Variants in SLC4A4 observed in about 807,000 individuals in gnomAD.
SLC4A4 encodes the protein solute carrier family 4 member 4.
Under a neutral mutation model 111.5 loss-of-function variants are expected in SLC4A4, and 27 were observed. The ratio of observed to expected loss-of-function variants is 0.24; its 90% CI spans 0.18 to 0.33. The LOEUF is 0.33. SLC4A4 is among the 10% of genes least tolerant of loss of function. SLC4A4 has a pLI of 1.00. For synonymous variants in SLC4A4, 443 were observed against 463.4 expected, an observed-to-expected ratio of 0.96 and a Z score of 0.57; for missense variants, 909 against 1,315.5, an observed-to-expected ratio of 0.69 and a Z score of 4.78.
chr4:71,399,108 A>T lies in SLC4A4; in HGVS notation c.807+1455A>T, dbSNP rs540978257. ...TAATCTAGAGCAATTTAAAGTGTAT[A>T]TGAGGATGTGTGTAGGTTATATACA... On this transcript the variant is annotated intron_variant, in intron 7 of 25. Coordinates refer to ENST00000264485, the MANE Select transcript of SLC4A4 (RefSeq NM_001098484.3). Among the ~76,000 whole-genome samples the T allele has an allele frequency of 5.3e-5, 8 of 152,302 alleles. No individual in the cohort carries two copies. In the South Asian group the frequency reaches 1.7e-3, roughly 32 times the overall value.
At chr4:71,446,863 C>T (rs982161554) in intron 8 of SLC4A4, among the ~76,000 whole-genome samples, 3 of 152,186 alleles carry the variant, frequency 2.0e-5, no homozygotes, top group Non-Finnish European at 4.4e-5. Context: ...TCCACAGTGC[C>T]AACATGCCAC....
At chr4:71,196,361 G>T (rs536934452) in intron 1 of SLC4A4, among the ~76,000 whole-genome samples, 2 of 152,134 alleles carry the variant, frequency 1.3e-5, no homozygotes, top group African/African-American at 4.8e-5. Context: ...AAGGGAGAAG[G>T]CGGATAGGAA....
intron 1 of SLC4A4, among the ~76,000 whole-genome samples, chr4:71,223,414 C>T (rs904416967): frequency 3.3e-5 from 5 of 152,042 alleles, no homozygotes; most frequent in Non-Finnish European, 5.9e-5. Flanking sequence ...CTGCCTGCCT[C>T]GGCCTCCCAA....
At chr4:71,398,908 C>G (rs1168943671) in intron 7 of SLC4A4, among the ~76,000 whole-genome samples, 2 of 152,154 alleles carry the variant, frequency 1.3e-5, no homozygotes, top group African/African-American at 4.8e-5. Context: ...GCTAATTGTA[C>G]AGTTAGTCCT....
At chr4:71,206,062 A>G (rs1717746518) in intron 1 of SLC4A4, among the ~76,000 whole-genome samples, 1 of 152,198 alleles carries the variant, frequency 6.6e-6, no homozygotes, top group Admixed American at 6.5e-5. Context: ...AAGTAGGATA[A>G]TTCTTTGCCT....
At chr4:71,177,565 A>T (rs1356205131) in intron 2 of SLC4A4, among the ~76,000 whole-genome samples, 3 of 152,212 alleles carry the variant, frequency 2.0e-5, no homozygotes, top group East Asian at 1.9e-4. Context: ...ACCAACAGAG[A>T]TCAAAAGAGA....
upstream of SLC4A4, among the ~76,000 whole-genome samples, chr4:71,184,380 G>T (rs904343606): frequency 6.6e-6 from 1 of 152,086 alleles, no homozygotes; most frequent in African/African-American, 2.4e-5. Flanking sequence ...GTCATCACCT[G>T]CTGCCACTAG....
At chr4:71,081,505 A>G (rs527434939) in intron 1 of SLC4A4, among the ~76,000 whole-genome samples, 2 of 152,258 alleles carry the variant, frequency 1.3e-5, no homozygotes, top group Non-Finnish European at 2.9e-5. Flanking sequence ...CTCTTATCTC[A>G]GGTACCTCAG....
At chr4:71,082,698 G>T (rs1742024619) in intron 1 of SLC4A4, among the ~76,000 whole-genome samples, 1 of 151,926 alleles carries the variant, frequency 6.6e-6, no homozygotes, top group African/African-American at 2.4e-5. Context: ...TTTTGCTTCA[G>T]ATTTTTTGAA....
intron 2 of SLC4A4, among the ~76,000 whole-genome samples, chr4:71,167,991 G>T: frequency 6.6e-6 from 1 of 151,478 alleles, no homozygotes. Flanking sequence ...TTTATTTTTT[G>T]AAATTATTTA....
At chr4:71,172,947 C>T (rs912666685) in intron 2 of SLC4A4, among the ~76,000 whole-genome samples, 1 of 152,206 alleles carries the variant, frequency 6.6e-6, no homozygotes. Flanking sequence ...GAGCCTTATA[C>T]ATACTTTGTA....
chr4:71,564,616 G>A (rs967088820), intron 24 of SLC4A4, among the ~76,000 whole-genome samples: 18 of 151,816 alleles, frequency 1.2e-4, no homozygotes, highest in African/African-American at 3.9e-4. Context: ...TTGCCATCAA[G>A]CTACTTTCTA....
chr4:71,393,548 A>G (rs957977387), intron 6 of SLC4A4, among the ~76,000 whole-genome samples: 3 of 152,202 alleles, frequency 2.0e-5, no homozygotes, highest in African/African-American at 7.2e-5. Flanking sequence ...TCCCATGCTC[A>G]TGGATGGGTA....
At chr4:71,538,289 T>C (rs1734748356) in intron 18 of SLC4A4, among the ~76,000 whole-genome samples, 2 of 152,164 alleles carry the variant, frequency 1.3e-5, no homozygotes, top group Admixed American at 6.6e-5. Context: ...ACATTTTTAA[T>C]CTTATTTTCA....
chr4:71,075,781 T>C (rs1392111882), intron 1 of SLC4A4, among the ~76,000 whole-genome samples: 2 of 151,922 alleles, frequency 1.3e-5, no homozygotes, highest in Non-Finnish European at 2.9e-5. Flanking sequence ...CTGATCAACA[T>C]GGTGAAACCC....
At chr4:71,229,619 T>C (rs1719272754) in intron 1 of SLC4A4, among the ~76,000 whole-genome samples, 2 of 152,154 alleles carry the variant, frequency 1.3e-5, no homozygotes, top group South Asian at 4.1e-4. Context: ...GAAGGAGATT[T>C]GCTTCGCTTT....
At chr4:71,290,843 A>G (rs1225704378) in intron 3 of SLC4A4, among the ~76,000 whole-genome samples, 1 of 152,242 alleles carries the variant, frequency 6.6e-6, no homozygotes, top group East Asian at 1.9e-4. Context: ...GGGAAAATGT[A>G]AAACCTGAGC....
intron 7 of SLC4A4, among the ~76,000 whole-genome samples, chr4:71,410,453 T>G (rs1721270974): frequency 6.6e-6 from 1 of 152,216 alleles, no homozygotes; most frequent in Admixed American, 6.5e-5. Flanking sequence ...ATTTTGGACT[T>G]GCATTGACCC....
intron 3 of SLC4A4, among the ~76,000 whole-genome samples, chr4:71,297,547 C>T (rs1382330196): frequency 1.3e-5 from 2 of 150,034 alleles, no homozygotes; most frequent in Non-Finnish European, 3.0e-5. Context: ...CACACACACA[C>T]ACACTCTTTG....
Sources: allele counts gnomAD v4.1 joint callset (sites outside exome capture counted in the v4.1 genomes callset), GRCh38; gene constraint gnomAD v4.1.1; transcripts MANE v1.5; gene names NCBI Gene and HGNC (gene_info 2026-07-23, HGNC 2026-07-21).